The following FGFR2 variants were observed in gnomAD, a reference collection of about 807,000 sequenced individuals.
FGFR2 encodes the protein fibroblast growth factor receptor 2.
FGFR2 carries 19 observed loss-of-function variants against 95.9 expected under a neutral mutation model. That is an observed-to-expected ratio of 0.20 (90% CI 0.14 to 0.29). FGFR2 has a LOEUF of 0.29. Among genes scored for constraint, FGFR2 ranks in the 10% least tolerant of loss-of-function variants. The pLI, the probability that FGFR2 is intolerant of heterozygous loss-of-function variation, is 1.00. For synonymous variants in FGFR2, 392 were observed against 393.3 expected, an observed-to-expected ratio of 1.00 and a Z score of 0.04; for missense variants, 707 against 1,056.9, an observed-to-expected ratio of 0.67 and a Z score of 4.59.
chr10:121,522,459 G>A (rs1328792971), intron 6 of FGFR2, among the ~76,000 whole-genome samples: 8 of 152,020 alleles, frequency 5.3e-5, no homozygotes, highest in African/African-American at 1.4e-4. Flanking sequence ...TTGGGACTGA[G>A]GTGAGAGAAT....
At chr10:121,500,173 T>C (rs780572194) in intron 11 of FGFR2, among the ~76,000 whole-genome samples, 1 of 152,216 alleles carries the variant, frequency 6.6e-6, no homozygotes, top group Admixed American at 6.5e-5. Context: ...AAAAGTTCTT[T>C]AAGTTCTTTG....
At chr10:121,534,394 G>A (rs1852528414) in intron 6 of FGFR2, among the ~76,000 whole-genome samples, 1 of 147,512 alleles carries the variant, frequency 6.8e-6, no homozygotes, top group South Asian at 2.2e-4. Context: ...ACCGCGCCCG[G>A]CTTTCTTTTT....
At chr10:121,588,258 G>A (rs1422223322) in intron 2 of FGFR2, among the ~76,000 whole-genome samples, 3 of 152,090 alleles carry the variant, frequency 2.0e-5, no homozygotes, top group African/African-American at 7.2e-5. Flanking sequence ...AGGGTGGGTG[G>A]GAGGAGAGAG....
intron 2 of FGFR2, among the ~76,000 whole-genome samples, chr10:121,576,560 T>A (rs1859802388): frequency 6.6e-6 from 1 of 152,090 alleles, no homozygotes; most frequent in Non-Finnish European, 1.5e-5. Flanking sequence ...GACCCAATCT[T>A]AGGGTGAAGA....
At chr10:121,551,186 C>T in intron 5 of FGFR2, 104 bp downstream of exon 5, 1 of 1,365,182 alleles carries the variant, frequency 7.3e-7, no homozygotes, top group South Asian at 1.2e-5. Context: ...CACCACGGCA[C>T]TCCAGCCTGG....
chr10:121,556,396 A>ACT (rs35668561), intron 4 of FGFR2, among the ~76,000 whole-genome samples: 13,506 of 128,090 alleles, frequency 0.11, 725 homozygotes, highest in South Asian at 0.13. Context: ...TTTATAATCT[A>ACT]CTCTCTCTCT....
chr10:121,517,079 A>C lies in FGFR2; in HGVS notation c.1084+240T>G, dbSNP rs1849781920. ...ACATTGGCTCAATGACTCACTAAAAATATGAGATCCCTTCAGGTTTTAAGG... is the reference window on the plus strand; with the variant it reads ...ACATTGGCTCAATGACTCACTAAAACTATGAGATCCCTTCAGGTTTTAAGG... On this transcript the variant is annotated intron_variant, in intron 8 of 17. Transcript: ENST00000358487. The surrounding 1 kb of genome is among the most constrained non-coding windows in gnomAD (Gnocchi z 4.7). The C allele has an allele frequency of 1.8e-6, 1 of 562,982 alleles. No homozygotes were observed. The highest frequency in any genetic ancestry group is 3.2e-6 in the Non-Finnish European group (1 of 316,840). The allele number at this position is 562,982 out of a possible 1,614,324, so 34.9% of individuals were successfully genotyped here.
Position 121,498,549 on chromosome 10 carries a change from T to C in FGFR2, c.1618A>G (p.Met540Val). 1 of 1,614,112 alleles carries C rather than the reference T, an allele frequency of 6.2e-7. No homozygotes were observed. Among genetic ancestry groups the C allele is most frequent in the Non-Finnish European group, 8.5e-7 (1 of 1,179,966 alleles). Reference sequence around the variant, plus strand: ...ATGATATTCTTGTGTTTCCCAATCATCTTCATCATCTCCATCTCTGACACC... The same window carrying C: ...ATGATATTCTTGTGTTTCCCAATCACCTTCATCATCTCCATCTCTGACACC... ...DLVSEMEMMK[M>V]IGKHKNIINL... The change falls in exon 12 of 18, where the codon ATG becomes GTG. Residue 540 changes from methionine to valine, a missense_variant. By Grantham distance (21) the Met-to-Val change is conservative. Coordinates refer to ENST00000358487, the MANE Select transcript of FGFR2 (RefSeq NM_000141.5).
intron 5 of FGFR2, among the ~76,000 whole-genome samples, chr10:121,544,443 T>TA (rs753310814): frequency 0.022 from 2,284 of 106,140 alleles, 47 homozygotes; most frequent in East Asian, 0.11. Flanking sequence ...AACTCCGTCT[T>TA]AAAAAAAAAA....
chr10:121,583,759 C>CAAA (rs575928981), intron 2 of FGFR2, among the ~76,000 whole-genome samples: 10 of 146,696 alleles, frequency 6.8e-5, no homozygotes, highest in Non-Finnish European at 1.2e-4. Context: ...CATTCTCCAG[C>CAAA]AAAAAAAAAA....
At chr10:121,561,656 A>G (rs953257234) in intron 4 of FGFR2, among the ~76,000 whole-genome samples, 1 of 152,230 alleles carries the variant, frequency 6.6e-6, no homozygotes, top group Non-Finnish European at 1.5e-5. Context: ...CATTTTAGGT[A>G]TAACACCAAA....
rs2134057226 is a variant in FGFR2 at position 121,503,844 on chromosome 10, C to T, written c.1385G>A (p.Gly462Glu). 6.2e-7 allele frequency: 1 copy of T among 1,614,116 alleles called. No individual in the cohort carries two copies. Among genetic ancestry groups the T allele is most frequent in the African/African-American group, 1.3e-5 (1 of 75,020 alleles). The change falls in exon 10 of 18, where the codon GGG becomes GAG. Residue 462 changes from glycine to glutamate, a missense_variant. Gly to Glu is a moderately conservative substitution (Grantham distance 98). Coordinates refer to ENST00000358487, the MANE Select transcript of FGFR2 (RefSeq NM_000141.5). ...CTCTGGAAGTTCATACTCGGAGACC[C>T]CTGCCAGCATGGGGGTGTCTGCCGT... is the stretch of plus-strand genomic sequence containing the variant. ...SSTADTPMLA[G>E]VSEYELPEDP...
At chr10:121,557,663 A>T (rs1340913037) in intron 4 of FGFR2, among the ~76,000 whole-genome samples, 1 of 152,174 alleles carries the variant, frequency 6.6e-6, no homozygotes, top group Non-Finnish European at 1.5e-5. Context: ...AAATTTGCAA[A>T]GCCTGTGTGG....
At chr10:121,579,065 G>A (rs1344663088) in intron 2 of FGFR2, among the ~76,000 whole-genome samples, 5 of 152,156 alleles carry the variant, frequency 3.3e-5, no homozygotes, top group Admixed American at 2.6e-4. Context: ...TTTGAGACCC[G>A]CCTCTGCCAG....
At chr10:121,524,915 G>A (rs1252515391) in intron 6 of FGFR2, among the ~76,000 whole-genome samples, 3 of 152,216 alleles carry the variant, frequency 2.0e-5, no homozygotes, top group Admixed American at 2.0e-4. Flanking sequence ...ATCCCCTGAT[G>A]TATTATCTCT....
chr10:121,541,481 T>C (rs1404550302), intron 5 of FGFR2, among the ~76,000 whole-genome samples: 1 of 152,168 alleles, frequency 6.6e-6, no homozygotes, highest in African/African-American at 2.4e-5. Flanking sequence ...TCTATTTCCA[T>C]ATGGAGATTC....
At chr10:121,575,749 G>C (rs201758233) in intron 2 of FGFR2, among the ~76,000 whole-genome samples, 8 of 151,376 alleles carry the variant, frequency 5.3e-5, no homozygotes, top group African/African-American at 1.9e-4. Flanking sequence ...CCAGCTACTC[G>C]GGAGGCTGAG....
At chr10:121,548,245 C>T (rs919477299) in intron 5 of FGFR2, among the ~76,000 whole-genome samples, 4 of 46,702 alleles carry the variant, frequency 8.6e-5, no homozygotes, top group South Asian at 1.6e-3. Flanking sequence ...CGCTTTTGGC[C>T]TTTTTTTTTT....
intron 4 of FGFR2, among the ~76,000 whole-genome samples, chr10:121,554,805 G>T (rs1370802145): frequency 6.6e-6 from 1 of 152,134 alleles, no homozygotes; most frequent in African/African-American, 2.4e-5. Flanking sequence ...GCAGCCTTGT[G>T]TCCTCTGTAT....
Sources: gnomAD v4.1 joint callset for allele counts (sites outside exome capture counted in the v4.1 genomes callset) on GRCh38, gnomAD v4.1.1 for gene constraint, Gnocchi (gnomAD v3.1) non-coding constraint, MANE v1.5 for transcripts, NCBI Gene and HGNC (gene_info 2026-07-23, HGNC 2026-07-21) for gene names.